FAM210A: variants seen among roughly 807,000 people sequenced by gnomAD.
FAM210A encodes the protein family with sequence similarity 210 member A.
Under a neutral mutation model 25.3 loss-of-function variants are expected in FAM210A, and 13 were observed. The ratio of observed to expected loss-of-function variants is 0.51; its 90% CI spans 0.33 to 0.82. FAM210A has a LOEUF of 0.82. Among genes scored for constraint, FAM210A ranks in the 40% least tolerant of loss-of-function variants. The pLI is 0.02. For missense variants in FAM210A, 319 were observed against 323.2 expected (o/e 0.99, Z 0.10); for synonymous variants, 125 against 118.7 (o/e 1.05, Z -0.35).
intron 1 of FAM210A, chr18:13,715,357 T>A (rs2043853174): frequency 6.6e-6 from 1 of 152,244 alleles, no homozygotes; most frequent in Admixed American, 6.5e-5. Flanking sequence ...TCCCACTAGC[T>A]GAGACTACAG....
rs537225487 is a variant in FAM210A at position 13,724,611 on chromosome 18, ACATTAACTGCTTT to A, written c.-29+1705_-29+1717del. 1.5e-4 allele frequency among the ~76,000 whole-genome samples: 23 copies of A among 152,316 alleles called. No individual in the cohort carries two copies. The South Asian group carries it at 4.8e-3, about 32-fold the overall frequency. On this transcript the variant is annotated intron_variant, in intron 1 of 3. Transcript: ENST00000651643. ...TCATTTTTATCTGGCTCATTTACTT[ACATTAACTGCTTT>A]CAAGAATCCTTCCCCTCTATTCTCA...
chr18:13,690,268 G>C (rs886934356), intron 1 of FAM210A, among the ~76,000 whole-genome samples: 1 of 152,224 alleles, frequency 6.6e-6, no homozygotes, highest in Non-Finnish European at 1.5e-5. Flanking sequence ...GCTCGAACTG[G>C]GTGGAGTCCA....
intron 1 of FAM210A, among the ~76,000 whole-genome samples, chr18:13,718,434 C>T (rs370125081): frequency 2.4e-4 from 37 of 152,058 alleles, no homozygotes; most frequent in African/African-American, 8.9e-4. Context: ...ACTGAGAGGC[C>T]CCTTAGTATC....
chr18:13,689,423 A>G lies in FAM210A; in HGVS notation c.-28-7318T>C, dbSNP rs2043624138. Among the ~76,000 whole-genome samples the G allele has an allele frequency of 5.3e-5, 8 of 152,352 alleles. No individual in the cohort carries two copies. In the South Asian group the frequency reaches 1.7e-3, roughly 32 times the overall value. On this transcript the variant is annotated intron_variant, in intron 1 of 3. Coordinates refer to ENST00000651643, the MANE Select transcript of FAM210A (RefSeq NM_152352.4). Reference sequence around the variant, plus strand: ...ATTGGTGGGGCAGCAAAAGCCTGACAAAATCTAACACCTATTCCCAACACC... The same window carrying G: ...ATTGGTGGGGCAGCAAAAGCCTGACGAAATCTAACACCTATTCCCAACACC...
chr18:13,690,948 A>T (rs147305503), intron 1 of FAM210A, among the ~76,000 whole-genome samples: 2 of 152,210 alleles, frequency 1.3e-5, no homozygotes, highest in African/African-American at 4.8e-5. Flanking sequence ...CGGTAATAAC[A>T]AACTTCTCCA....
intron 3 of FAM210A, among the ~76,000 whole-genome samples, chr18:13,670,063 A>G (rs1013748945): frequency 2.0e-5 from 3 of 152,182 alleles, no homozygotes; most frequent in African/African-American, 7.2e-5. Flanking sequence ...CTCATTTTCA[A>G]TCCCAACTCC....
At chr18:13,721,806 G>GGAATT (rs1233618975) in intron 1 of FAM210A, among the ~76,000 whole-genome samples, 1 of 152,126 alleles carries the variant, frequency 6.6e-6, no homozygotes, top group Non-Finnish European at 1.5e-5. Context: ...ATGACACTTT[G>GGAATT]AGTGTCCTGG....
chr18:13,673,202 C>T (rs1226718044), intron 2 of FAM210A, among the ~76,000 whole-genome samples: 5 of 151,466 alleles, frequency 3.3e-5, no homozygotes, highest in Admixed American at 2.6e-4. Flanking sequence ...TGAGCCCCGA[C>T]TTCTTTATTT....
At chr18:13,674,197 G>A (rs547532837) in intron 2 of FAM210A, among the ~76,000 whole-genome samples, 2,856 of 130,602 alleles carry the variant, frequency 0.022, 7 homozygotes, top group Non-Finnish European at 0.033. Flanking sequence ...TTTATTTCCT[G>A]TTTCCTGATT....
intron 1 of FAM210A, among the ~76,000 whole-genome samples, chr18:13,716,029 C>T (rs1007975114): frequency 4.6e-5 from 7 of 152,220 alleles, no homozygotes; most frequent in African/African-American, 1.7e-4. Context: ...GCCTACTCAA[C>T]ACCCGAAGTG....
intron 1 of FAM210A, among the ~76,000 whole-genome samples, chr18:13,716,933 G>A (rs1342160328): frequency 2.6e-5 from 4 of 152,306 alleles, no homozygotes; most frequent in East Asian, 3.9e-4. Flanking sequence ...CAGGGAGCCC[G>A]CCTAAGGACA....
At chr18:13,696,176 A>G (rs1220480412) in intron 1 of FAM210A, among the ~76,000 whole-genome samples, 1 of 152,230 alleles carries the variant, frequency 6.6e-6, no homozygotes, top group East Asian at 1.9e-4. Flanking sequence ...AGATTCAACA[A>G]TAATATCCGA....
intron 1 of FAM210A, among the ~76,000 whole-genome samples, chr18:13,693,147 G>A (rs971896415): frequency 2.0e-5 from 3 of 152,184 alleles, no homozygotes; most frequent in African/African-American, 7.2e-5. Context: ...AGAAAATCTA[G>A]AAGAAATGGA....
chr18:13,667,167 T>C (rs1241039364), intron 3 of FAM210A, among the ~76,000 whole-genome samples: 2 of 152,258 alleles, frequency 1.3e-5, no homozygotes, highest in African/African-American at 2.4e-5. Flanking sequence ...CCACTCTCTG[T>C]TGGGATTTAG....
At chr18:13,701,701 G>A (rs951221504) in intron 1 of FAM210A, among the ~76,000 whole-genome samples, 2 of 152,202 alleles carry the variant, frequency 1.3e-5, no homozygotes, top group Non-Finnish European at 2.9e-5. Context: ...ACTTACAGTA[G>A]AATGTTCTGA....
At chr18:13,689,245 G>A (rs1009985554) in intron 1 of FAM210A, among the ~76,000 whole-genome samples, 2 of 152,188 alleles carry the variant, frequency 1.3e-5, no homozygotes, top group Non-Finnish European at 2.9e-5. Context: ...AGCCACAGAT[G>A]TGTCTGTAAC....
At chr18:13,718,587 C>T (rs907474136) in intron 1 of FAM210A, among the ~76,000 whole-genome samples, 19 of 151,876 alleles carry the variant, frequency 1.3e-4, no homozygotes, top group African/African-American at 4.1e-4. Context: ...ACAAATTGCT[C>T]ATATGTATAA....
intron 1 of FAM210A, among the ~76,000 whole-genome samples, chr18:13,711,751 GT>G (rs2149068888): frequency 6.6e-6 from 1 of 152,200 alleles, no homozygotes; most frequent in East Asian, 1.9e-4. Context: ...CCCAATTTAT[GT>G]TTCCTGTCCA....
At chr18:13,723,142 A>G (rs1354893420) in intron 1 of FAM210A, among the ~76,000 whole-genome samples, 4 of 152,190 alleles carry the variant, frequency 2.6e-5, no homozygotes, top group African/African-American at 7.2e-5. Context: ...GATCTTTTGC[A>G]TATCTTTGTT....
Sources: gnomAD v4.1 joint callset for allele counts (sites outside exome capture counted in the v4.1 genomes callset) on GRCh38, gnomAD v4.1.1 for gene constraint, MANE v1.5 for transcripts, NCBI Gene and HGNC (gene_info 2026-07-23, HGNC 2026-07-21) for gene names.